CNOT4: variants seen among roughly 807,000 people sequenced by gnomAD.
CNOT4 encodes the protein CCR4-associated factor 4.
Under a neutral mutation model 73.8 loss-of-function variants are expected in CNOT4, and 8 were observed. That is an observed-to-expected ratio of 0.11 (90% confidence interval 0.06 to 0.20). The LOEUF (loss-of-function observed/expected upper bound fraction) is 0.20, where lower values mean the gene tolerates loss of function less well. Ranked by LOEUF, CNOT4 falls within the 10% of genes least tolerant of loss-of-function variation. The pLI, the probability that CNOT4 is intolerant of heterozygous loss-of-function variation, is 1.00. For synonymous variants in CNOT4, 293 were observed against 321.1 expected (o/e 0.91, Z 0.94); for missense variants, 564 against 883.4 (o/e 0.64, Z 4.58).
chr7:135,504,862 T>C (rs1280775823), intron 1 of CNOT4, among the ~76,000 whole-genome samples: 1 of 151,920 alleles, frequency 6.6e-6, no homozygotes, highest in Non-Finnish European at 1.5e-5. Context: ...ACTCCTGACC[T>C]CGTGATCTGC....
intron 1 of CNOT4, among the ~76,000 whole-genome samples, chr7:135,477,766 G>A (rs562173978): frequency 6.6e-6 from 1 of 152,002 alleles, no homozygotes; most frequent in Non-Finnish European, 1.5e-5. Context: ...CTGTATATTA[G>A]TATAACAAAA....
chr7:135,508,291 A>G (rs985921865), intron 1 of CNOT4, among the ~76,000 whole-genome samples: 1 of 152,134 alleles, frequency 6.6e-6, no homozygotes, highest in Non-Finnish European at 1.5e-5. Flanking sequence ...GCTTCTTCCC[A>G]TTTTACCATT....
chr7:135,377,234 A>G (rs1795570541), intron 10 of CNOT4, among the ~76,000 whole-genome samples: 1 of 152,230 alleles, frequency 6.6e-6, no homozygotes, highest in South Asian at 2.1e-4. Flanking sequence ...AGACAATCTG[A>G]AAAAGCTACA....
rs765326803 is a variant in CNOT4, at chr7:135,393,961, G to A, written c.1584C>T (p.Leu528=). 6.2e-7 allele frequency: 1 copy of A among 1,613,088 alleles called. No homozygotes were observed. Among genetic ancestry groups the A allele is most frequent in the Non-Finnish European group, 8.5e-7 (1 of 1,179,104 alleles). Residue 528 remains leucine (L), a synonymous_variant, in exon 10 of 12, where the codon CTC becomes CTT. Coordinates refer to ENST00000541284, the MANE Select transcript of CNOT4 (RefSeq NM_001190850.2). ...TSNSNFLDLN[L]PPQHNTGLGG... ...CCAGACCTGTGTTGTGCTGTGGCGG[G>A]AGATTCAAGTCCAAGAAATTACTAT...
intron 10 of CNOT4, among the ~76,000 whole-genome samples, chr7:135,366,016 C>G (rs1487719992): frequency 6.6e-6 from 1 of 152,178 alleles, no homozygotes; most frequent in African/African-American, 2.4e-5. Flanking sequence ...AAAAGCCAAA[C>G]AGGGAAAACT....
At chr7:135,424,187 C>A (rs1052325183) in intron 2 of CNOT4, among the ~76,000 whole-genome samples, 1 of 151,942 alleles carries the variant, frequency 6.6e-6, no homozygotes, top group Non-Finnish European at 1.5e-5. Context: ...CAATCAATTA[C>A]GTAGTCATCC....
chr7:135,362,797 G>T lies in CNOT4; in HGVS notation c.*88C>A. 1.7e-6 allele frequency: 2 copies of T among 1,205,084 alleles called. No individual in the cohort carries two copies. Among genetic ancestry groups the T allele is most frequent in the South Asian group, 1.2e-5 (1 of 82,908 alleles). The allele number at this position is 1,205,084 out of a possible 1,614,324, so 74.6% of individuals were successfully genotyped here. The stretch of plus-strand genomic sequence containing the variant: ...GTACTGGATTCTTCAGAACATAAGA[G>T]ATGAGAAGGGAGCTGTGGGTGGTGG... On this transcript the variant is annotated 3_prime_UTR_variant, in exon 12 of 12. Coordinates refer to ENST00000541284, the MANE Select transcript of CNOT4 (RefSeq NM_001190850.2).
chr7:135,430,647 T>TA (rs942088491), intron 2 of CNOT4, among the ~76,000 whole-genome samples: 27 of 151,528 alleles, frequency 1.8e-4, no homozygotes, highest in African/African-American at 5.1e-4. Flanking sequence ...CCTATCGCTT[T>TA]AAAAAAAACC....
chr7:135,419,183 T>C (rs1320234212), intron 3 of CNOT4, among the ~76,000 whole-genome samples: 1 of 152,142 alleles, frequency 6.6e-6, no homozygotes, highest in African/African-American at 2.4e-5. Flanking sequence ...CATTTGACAA[T>C]CAATCTTGGT....
intron 1 of CNOT4, among the ~76,000 whole-genome samples, chr7:135,490,742 C>T (rs2129487675): frequency 6.6e-6 from 1 of 152,316 alleles, no homozygotes; most frequent in Middle Eastern, 3.4e-3. Flanking sequence ...CTAATCTTAT[C>T]AACTCATGAA....
chr7:135,506,985 G>A (rs1380043686), intron 1 of CNOT4, among the ~76,000 whole-genome samples: 1 of 151,970 alleles, frequency 6.6e-6, no homozygotes, highest in Non-Finnish European at 1.5e-5. Flanking sequence ...TGAAAAAAGG[G>A]AAGATTTCTA....
chr7:135,384,394 C>T (rs1563016774), intron 10 of CNOT4: 1 of 330,862 alleles, frequency 3.0e-6, no homozygotes, highest in Non-Finnish European at 5.7e-6. Context: ...GCGCCATTCT[C>T]CTGCCTCAGC....
chr7:135,416,165 G>T (rs1797861979), intron 3 of CNOT4, among the ~76,000 whole-genome samples: 1 of 152,076 alleles, frequency 6.6e-6, no homozygotes, highest in Non-Finnish European at 1.5e-5. Flanking sequence ...GCAAATGAAA[G>T]CTTTCTGCAT....
intron 10 of CNOT4, among the ~76,000 whole-genome samples, chr7:135,366,942 C>T (rs956396576): frequency 7.9e-5 from 12 of 152,074 alleles, no homozygotes; most frequent in African/African-American, 2.4e-4. Flanking sequence ...GTCTTGGCTG[C>T]GAGGGCTTCT....
chr7:135,477,146 A>T (rs111554663), intron 1 of CNOT4, among the ~76,000 whole-genome samples: 4 of 152,230 alleles, frequency 2.6e-5, no homozygotes, highest in African/African-American at 9.6e-5. Flanking sequence ...GTTCGAGGCC[A>T]GCCTGGCCAA....
At chr7:135,482,414 G>C (rs1345209895) in intron 1 of CNOT4, among the ~76,000 whole-genome samples, 1 of 151,826 alleles carries the variant, frequency 6.6e-6, no homozygotes, top group African/African-American at 2.4e-5. Flanking sequence ...AAATCGGTCA[G>C]GTGTGGTGGT....
At chr7:135,441,581 A>G (rs1485359749) in intron 1 of CNOT4, among the ~76,000 whole-genome samples, 3 of 152,008 alleles carry the variant, frequency 2.0e-5, no homozygotes, top group Non-Finnish European at 2.9e-5. Flanking sequence ...AAACTGAAAT[A>G]ATCAAATGGT....
At position 135,495,669 on chromosome 7, in the gene CNOT4, CAAAAA is replaced by C. The variant is rs1198174318; in HGVS notation, c.-93+14215_-93+14219del. Among the ~76,000 whole-genome samples, 237 of 31,836 alleles carry C rather than the reference CAAAAA, an allele frequency of 7.4e-3. 10 individuals are homozygous for C. The highest frequency in any genetic ancestry group is 0.027 in the African/African-American group (216 of 8,026). 20.9% of individuals were successfully genotyped at this position (31,836 alleles called of 152,430 possible). On this transcript the variant is annotated intron_variant, in intron 1 of 11. Coordinates refer to ENST00000541284, the MANE Select transcript of CNOT4 (RefSeq NM_001190850.2). Reference sequence around the variant, plus strand: ...TAGGTAACAGAGTGAGACCCTGTGTCAAAAAAAAAAAAAAAAAAAAAAAAGAAAGA... The same window carrying C: ...TAGGTAACAGAGTGAGACCCTGTGTCAAAAAAAAAAAAAAAAAAAGAAAGA...
In CNOT4 at chr7:135,482,443, C is replaced by A. The variant is rs149721876; in HGVS notation, c.-93+27446G>T. 2.1e-3 allele frequency among the ~76,000 whole-genome samples: 324 copies of A among 152,018 alleles called. 1 individual carries two copies. The highest frequency in any genetic ancestry group is 7.0e-3 in the African/African-American group (290 of 41,470). On this transcript the variant is annotated intron_variant, in intron 1 of 11. Transcript: ENST00000541284. ...TGGTGGTACACAACTGTAATCCCAG[C>A]CACTCAGGAGGCTAAAGTGAAAGGA...
Sources: gnomAD v4.1 joint callset for allele counts (sites outside exome capture counted in the v4.1 genomes callset) on GRCh38, gnomAD v4.1.1 for gene constraint, MANE v1.5 for transcripts, NCBI Gene and HGNC (gene_info 2026-07-23, HGNC 2026-07-21) for gene names.